The following DMXL1 variants were observed in gnomAD, a reference collection of about 807,000 sequenced individuals.
DMXL1 encodes the protein Dmx like 1, also known as dmX-like protein 1.
A neutral mutation model predicts 319.2 loss-of-function variants in DMXL1; 99 were observed. The ratio of observed to expected loss-of-function variants is 0.31; its 90% confidence interval spans 0.26 to 0.37. The LOEUF (loss-of-function observed/expected upper bound fraction) is 0.37, where lower values mean the gene tolerates loss of function less well. Ranked by LOEUF, DMXL1 falls within the 10% of genes least tolerant of loss-of-function variation. The pLI, the probability that DMXL1 is intolerant of heterozygous loss-of-function variation, is 1.00. For synonymous variants in DMXL1, 1,385 were observed against 1,235.2 expected, an observed-to-expected ratio of 1.12 and a Z score of -2.54; for missense variants, 3,745 against 3,595.6, an observed-to-expected ratio of 1.04 and a Z score of -1.06.
At chr5:119,235,355 A>G (rs1787554373) in intron 39 of DMXL1, among the ~76,000 whole-genome samples, 1 of 152,160 alleles carries the variant, frequency 6.6e-6, no homozygotes. Flanking sequence ...AACAGAAAAG[A>G]GTTATTGGAA....
At chr5:119,192,259 C>T (rs1363429181) in intron 29 of DMXL1, among the ~76,000 whole-genome samples, 2 of 152,150 alleles carry the variant, frequency 1.3e-5, no homozygotes, top group Non-Finnish European at 2.9e-5. Context: ...GGAGAAAGTC[C>T]TTCTATCAGA....
chr5:119,136,945 G>A (rs1160626159), intron 13 of DMXL1, among the ~76,000 whole-genome samples: 1 of 152,332 alleles, frequency 6.6e-6, no homozygotes, highest in South Asian at 2.1e-4. Context: ...CCCCACTGGG[G>A]CCTCATGGAA....
rs765612845 is a variant in DMXL1 at position 119,247,413 on chromosome 5, A to G, written c.*194A>G. 2 of 490,468 alleles carry G rather than the reference A, an allele frequency of 4.1e-6. No homozygotes were observed. Among genetic ancestry groups the G allele is most frequent in the Non-Finnish European group, 3.7e-6 (1 of 273,056 alleles). The allele number at this position is 490,468 out of a possible 1,614,324, so 30.4% of individuals were successfully genotyped here. A position where few individuals can be genotyped will look rare whatever the true frequency, so the allele number is the denominator to read the frequency against. ...CATTCAGAAGTAGATTACATTGCCTAAAGTAGAATGTGTAAGTAATGCTGT... is the reference window on the plus strand; with the variant it reads ...CATTCAGAAGTAGATTACATTGCCTGAAGTAGAATGTGTAAGTAATGCTGT... On this transcript the variant is annotated 3_prime_UTR_variant, in exon 44 of 44. Transcript: ENST00000539542.
At chr5:119,091,553 ATTAG>A (rs1367075334) in intron 1 of DMXL1, among the ~76,000 whole-genome samples, 4 of 151,936 alleles carry the variant, frequency 2.6e-5, no homozygotes, top group Admixed American at 6.6e-5. Context: ...GCATTTATGG[ATTAG>A]TTATTTATTC....
chr5:119,187,911 C>T (rs186753668), intron 28 of DMXL1, among the ~76,000 whole-genome samples: 212 of 152,352 alleles, frequency 1.4e-3, no homozygotes, highest in Non-Finnish European at 2.5e-3. Flanking sequence ...CCACCTCTGC[C>T]TCCCAAAGTG....
Position 119,197,735 on chromosome 5 carries a change from A to G in DMXL1, c.7544-20A>G, listed in dbSNP as rs766445581. On this transcript the variant is annotated intron_variant, in intron 31 of 43. Coordinates refer to ENST00000539542, the MANE Select transcript of DMXL1 (RefSeq NM_001290321.3). ...CATTTTACTGCATAAGATTAATATG[A>G]GTCAATGTTCCCATTTTAGAGCTTC... is the stretch of plus-strand genomic sequence containing the variant. 26 of 1,610,102 alleles carry G rather than the reference A, an allele frequency of 1.6e-5. No homozygotes were observed. In the South Asian group the frequency reaches 2.9e-4, roughly 18 times the overall value.
Position 119,171,137 on chromosome 5 carries a change from T to A in DMXL1, c.6346T>A (p.Phe2116Ile). Residue 2116 changes from phenylalanine to isoleucine, a missense_variant, in exon 24 of 44, where the codon TTT (phenylalanine) becomes ATT (isoleucine). Phe to Ile is a conservative substitution (Grantham distance 21). This residue lies in a region of DMXL1 where 1,382 missense variants were observed against 1,269.5 expected (regional missense o/e 1.09). Coordinates refer to ENST00000539542, the MANE Select transcript of DMXL1 (RefSeq NM_001290321.3). ...AAAAGTGAAACAACTGAGAGAAAAT[T>A]TTCAGGAAAAAAGACAGTGGCTCTT... ...QTKVKQLREN[F>I]QEKRQWLLKY... The A allele has an allele frequency of 6.2e-7, 1 of 1,613,904 alleles. No individual in the cohort carries two copies. The highest frequency in any genetic ancestry group is 8.5e-7 in the Non-Finnish European group (1 of 1,179,882).
intron 5 of DMXL1, among the ~76,000 whole-genome samples, chr5:119,111,572 T>A (rs1400759306): frequency 6.6e-6 from 1 of 152,178 alleles, no homozygotes; most frequent in African/African-American, 2.4e-5. Context: ...AGGGAAAGAC[T>A]AAGAATGACA....
chr5:119,244,658 C>CTATTTAATTAATATAACTAT, intron 43 of DMXL1, 82 bp downstream of exon 43: 5 of 932,856 alleles, frequency 5.4e-6, no homozygotes, highest in Non-Finnish European at 8.3e-6. Flanking sequence ...TGACATCAAT[C>CTATTTAATTAATATAACTAT]TATTTAAATA....
chr5:119,121,904 C>G (rs1165497695), intron 9 of DMXL1, among the ~76,000 whole-genome samples: 2 of 141,610 alleles, frequency 1.4e-5, no homozygotes, highest in East Asian at 4.2e-4. Flanking sequence ...GCTGGCCGGG[C>G]GGGGGGCTGA....
At chr5:119,200,558 T>C (rs930749782) in intron 32 of DMXL1, among the ~76,000 whole-genome samples, 3 of 152,192 alleles carry the variant, frequency 2.0e-5, no homozygotes, top group Non-Finnish European at 4.4e-5. Context: ...TTCAGGCTCT[T>C]TTTACGTTCC....
chr5:119,185,659 C>CA (rs1380712991), intron 28 of DMXL1, among the ~76,000 whole-genome samples: 6 of 151,956 alleles, frequency 3.9e-5, no homozygotes, highest in African/African-American at 1.5e-4. Context: ...CACACCACGA[C>CA]ACTTGGCTAA....
Position 119,123,376 on chromosome 5 carries a change from A to AGAG in DMXL1, c.1102+2239_1102+2241dup, listed in dbSNP as rs1185731486. On this transcript the variant is annotated intron_variant, in intron 9 of 43. Transcript: ENST00000539542. ...AGGGAGAGGGAGAGGAGGGAGAGGG[A>AGAG]GAGGGAGAGGAGGGAGAGGAGGGGG... is the stretch of plus-strand genomic sequence containing the variant. 2.5e-3 allele frequency among the ~76,000 whole-genome samples: 109 copies of AGAG among 42,980 alleles called. 4 individuals are homozygous for AGAG. Among genetic ancestry groups the AGAG allele is most frequent in the Admixed American group, 0.014 (45 of 3,318 alleles). The allele number at this position is 42,980 out of a possible 152,430, so 28.2% of individuals were successfully genotyped here.
At chr5:119,073,214 C>T (rs1386793394) in intron 1 of DMXL1, among the ~76,000 whole-genome samples, 2 of 152,200 alleles carry the variant, frequency 1.3e-5, no homozygotes, top group African/African-American at 4.8e-5. Flanking sequence ...AGATTCTAAT[C>T]ACCACGGCTG....
chr5:119,161,239 T>C (rs1201138098), intron 19 of DMXL1, among the ~76,000 whole-genome samples: 5 of 152,226 alleles, frequency 3.3e-5, no homozygotes, highest in Non-Finnish European at 7.3e-5. Flanking sequence ...TGCTGCTCTC[T>C]AGGTTCTGCT....
chr5:119,152,343 G>A (rs575152574), intron 19 of DMXL1, among the ~76,000 whole-genome samples: 127 of 151,200 alleles, frequency 8.4e-4, no homozygotes, highest in Non-Finnish European at 1.6e-3. Flanking sequence ...TCTTTAGATT[G>A]TCTTTTCTCT....
chr5:119,185,747 C>A, intron 28 of DMXL1, among the ~76,000 whole-genome samples: 1 of 151,980 alleles, frequency 6.6e-6, no homozygotes, highest in Admixed American at 6.6e-5. Context: ...ACGTGGTCTG[C>A]CTGTCTCAGC....
At chr5:119,076,816 A>C (rs761377032) in intron 1 of DMXL1, among the ~76,000 whole-genome samples, 16 of 152,172 alleles carry the variant, frequency 1.1e-4, no homozygotes, top group Non-Finnish European at 2.4e-4. Context: ...TTCTCTGCCA[A>C]AATTTAAAGT....
intron 19 of DMXL1, among the ~76,000 whole-genome samples, chr5:119,161,250 G>A (rs568646102): frequency 1.3e-5 from 2 of 152,350 alleles, no homozygotes; most frequent in African/African-American, 4.8e-5. Context: ...AGGTTCTGCT[G>A]TCTGGCAAGA....
Sources: gnomAD v4.1 joint callset for allele counts (sites outside exome capture counted in the v4.1 genomes callset) on GRCh38, gnomAD v4.1.1 for gene constraint, gnomAD v4.1.1 regional missense constraint, MANE v1.5 for transcripts, NCBI Gene and HGNC (gene_info 2026-07-23, HGNC 2026-07-21) for gene names.